The following SLC8A1 variants were observed in gnomAD, a reference collection of about 807,000 sequenced individuals.
The protein encoded by SLC8A1 is solute carrier family 8 member A1, also known as sodium/calcium exchanger 1.
Under a neutral mutation model 68.3 loss-of-function variants are expected in SLC8A1, and 18 were observed. The observed-to-expected ratio is 0.26, with a 90% CI of 0.18 to 0.39. The LOEUF (loss-of-function observed/expected upper bound fraction) is 0.39. Ranked by LOEUF, SLC8A1 falls within the 10% of genes least tolerant of loss-of-function variation. SLC8A1 has a pLI of 1.00. For synonymous variants in SLC8A1, 475 were observed against 415.5 expected, an observed-to-expected ratio of 1.14 and a Z score of -1.74; for missense variants, 985 against 1,156.7, an observed-to-expected ratio of 0.85 and a Z score of 2.15.
At chr2:40,385,687 C>A (rs1683337443) in intron 2 of SLC8A1, among the ~76,000 whole-genome samples, 1 of 151,298 alleles carries the variant, frequency 6.6e-6, no homozygotes, top group African/African-American at 2.5e-5. Flanking sequence ...TTCTGGAGAG[C>A]AGTTTGCTAA....
intron 2 of SLC8A1, among the ~76,000 whole-genome samples, chr2:40,195,257 G>T (rs1226273535): frequency 6.6e-6 from 1 of 152,110 alleles, no homozygotes; most frequent in African/African-American, 2.4e-5. Context: ...CATGTGATAT[G>T]CAGAAATTTG....
chr2:40,489,629 C>T (rs530325845), intron 1 of SLC8A1, among the ~76,000 whole-genome samples: 1 of 152,060 alleles, frequency 6.6e-6, no homozygotes, highest in African/African-American at 2.4e-5. Flanking sequence ...GATTAGAACA[C>T]TTTAGTTGGA....
At chr2:40,286,014 G>A (rs547889281) in intron 2 of SLC8A1, among the ~76,000 whole-genome samples, 69 of 152,226 alleles carry the variant, frequency 4.5e-4, no homozygotes, top group African/African-American at 1.6e-3. Flanking sequence ...ACCAGGGCAA[G>A]TGCTCCCTAG....
intron 2 of SLC8A1, chr2:40,250,509 T>TGTAA (rs1365479487): frequency 1.3e-5 from 2 of 150,864 alleles, no homozygotes; most frequent in East Asian, 1.9e-4. Context: ...GACAGGAAAA[T>TGTAA]GTAAGTGCAA....
intron 2 of SLC8A1, among the ~76,000 whole-genome samples, chr2:40,339,049 C>A (rs1477558964): frequency 6.6e-6 from 1 of 152,126 alleles, no homozygotes; most frequent in East Asian, 1.9e-4. Flanking sequence ...TAAGACAACC[C>A]ACAACTCAGA....
intron 2 of SLC8A1, among the ~76,000 whole-genome samples, chr2:40,262,207 C>T (rs1229874999): frequency 2.0e-5 from 3 of 152,138 alleles, no homozygotes; most frequent in South Asian, 4.1e-4. Flanking sequence ...GTGATCCGCC[C>T]ACCTCAGCCT....
At chr2:40,389,012 A>G (rs1156980288) in intron 2 of SLC8A1, among the ~76,000 whole-genome samples, 1 of 152,172 alleles carries the variant, frequency 6.6e-6, no homozygotes, top group African/African-American at 2.4e-5. Flanking sequence ...AGAAATGTGT[A>G]TATAAATACA....
At chr2:40,357,730 T>C (rs1451842789) in intron 2 of SLC8A1, among the ~76,000 whole-genome samples, 7 of 152,118 alleles carry the variant, frequency 4.6e-5, no homozygotes, top group African/African-American at 7.2e-5. Context: ...AACCAGCATA[T>C]AGAATGCTGA....
intron 1 of SLC8A1, among the ~76,000 whole-genome samples, chr2:40,445,033 A>T (rs1011230610): frequency 3.3e-5 from 5 of 152,160 alleles, no homozygotes; most frequent in African/African-American, 1.2e-4. Context: ...CTCACCATTT[A>T]TATCTTCAGT....
At chr2:40,162,036 C>G (rs979400498) in intron 5 of SLC8A1, among the ~76,000 whole-genome samples, 5 of 152,190 alleles carry the variant, frequency 3.3e-5, no homozygotes, top group African/African-American at 1.2e-4. Flanking sequence ...GTCATTGGAA[C>G]AGACTTGAAA....
intron 2 of SLC8A1, among the ~76,000 whole-genome samples, chr2:40,238,212 C>A (rs561390745): frequency 6.6e-6 from 1 of 152,004 alleles, no homozygotes; most frequent in Admixed American, 6.5e-5. Flanking sequence ...GCCTCGCTGC[C>A]GCCTTGCAGT....
chr2:40,122,629 T>C (rs757383887), intron 7 of SLC8A1, among the ~76,000 whole-genome samples: 2 of 152,160 alleles, frequency 1.3e-5, no homozygotes, highest in Non-Finnish European at 2.9e-5. Flanking sequence ...GCCTGAGATG[T>C]GGCTGGAGCA....
chr2:40,377,538 G>C (rs1310295794), intron 2 of SLC8A1, among the ~76,000 whole-genome samples: 1 of 152,084 alleles, frequency 6.6e-6, no homozygotes, highest in Non-Finnish European at 1.5e-5. Context: ...CTTCTGAATT[G>C]TGTGCTTCAG....
chr2:40,501,498 C>T (rs76147473), intron 1 of SLC8A1, among the ~76,000 whole-genome samples: 2,122 of 152,212 alleles, frequency 0.014, 49 homozygotes, highest in African/African-American at 0.047. Flanking sequence ...TTCACAAGCA[C>T]TCTCTTTTGA....
chr2:40,252,499 AT>A (rs1373961234), intron 2 of SLC8A1, among the ~76,000 whole-genome samples: 11 of 151,876 alleles, frequency 7.2e-5, no homozygotes, highest in African/African-American at 2.7e-4. Context: ...AGCCCAACTA[AT>A]TTTTTGTGCC....
chr2:40,170,441 C>G, intron 4 of SLC8A1, 92 bp from the exon 7 acceptor site: 1 of 1,023,392 alleles, frequency 9.8e-7, no homozygotes, highest in Non-Finnish European at 1.5e-6. Flanking sequence ...ACATCACACC[C>G]AGATGCACAC....
At chr2:40,302,639 G>C (rs1340892872) in intron 2 of SLC8A1, among the ~76,000 whole-genome samples, 1 of 150,982 alleles carries the variant, frequency 6.6e-6, no homozygotes, top group Non-Finnish European at 1.5e-5. Flanking sequence ...TGCACTTGTT[G>C]ACTGAGGGCA....
At chr2:40,260,494 T>C (rs1267252874) in intron 2 of SLC8A1, among the ~76,000 whole-genome samples, 2 of 152,146 alleles carry the variant, frequency 1.3e-5, no homozygotes, top group Admixed American at 6.5e-5. Flanking sequence ...CAGTAACGTC[T>C]AAAATAAGTG....
At chr2:40,283,889 G>C (rs2067871103) in intron 2 of SLC8A1, among the ~76,000 whole-genome samples, 1 of 152,172 alleles carries the variant, frequency 6.6e-6, no homozygotes, top group East Asian at 1.9e-4. Context: ...GGAACAGTCA[G>C]TGGTCTGGCA....
Sources: allele counts gnomAD v4.1 joint callset (sites outside exome capture counted in the v4.1 genomes callset), GRCh38; gene constraint gnomAD v4.1.1; transcripts MANE v1.5; gene names NCBI Gene and HGNC (gene_info 2026-07-23, HGNC 2026-07-21).